PLAA: variants seen among roughly 807,000 people sequenced by gnomAD.
The protein encoded by PLAA is phospholipase A-2-activating protein.
Under a neutral mutation model 84.1 loss-of-function variants are expected in PLAA, and 48 were observed. That is an observed-to-expected ratio of 0.57 (90% CI 0.45 to 0.73). PLAA has a LOEUF of 0.73. Among genes scored for constraint, PLAA ranks in the 30% least tolerant of loss-of-function variants. PLAA has a pLI of 0.00. For missense variants in PLAA, 903 were observed against 954.7 expected, an observed-to-expected ratio of 0.95 and a Z score of 0.71; for synonymous variants, 392 against 336.6, an observed-to-expected ratio of 1.16 and a Z score of -1.80.
At chr9:26,909,575 C>G (rs1312324415) in intron 12 of PLAA, among the ~76,000 whole-genome samples, 1 of 151,290 alleles carries the variant, frequency 6.6e-6, no homozygotes, top group Non-Finnish European at 1.5e-5. Context: ...TTGAGGAACA[C>G]AAACAGAAAA....
intron 12 of PLAA, among the ~76,000 whole-genome samples, chr9:26,908,687 T>A (rs1463686589): frequency 6.6e-6 from 1 of 151,586 alleles, no homozygotes; most frequent in African/African-American, 2.4e-5. Context: ...CTGACCAACA[T>A]GGTGAAAAAC....
rs554887721 is a variant in PLAA at position 26,919,126 on chromosome 9, A to G, written c.1417+184T>C. The stretch of plus-strand genomic sequence containing the variant: ...TATTTTTGAAAGACAACAATTTACT[A>G]TTATTTCTGTAAAATACAGAATTAC... On this transcript the variant is annotated intron_variant, in intron 9 of 13. Coordinates refer to ENST00000397292, the MANE Select transcript of PLAA (RefSeq NM_001031689.3). 60 of 429,104 alleles carry G rather than the reference A, an allele frequency of 1.4e-4. 1 individual carries two copies. The highest frequency in any genetic ancestry group is 4.3e-4 in the South Asian group (5 of 11,742). 26.6% of individuals were successfully genotyped at this position (429,104 alleles called of 1,614,324 possible).
intron 11 of PLAA, among the ~76,000 whole-genome samples, chr9:26,912,686 A>C (rs1824434608): frequency 6.6e-6 from 1 of 152,196 alleles, no homozygotes; most frequent in Non-Finnish European, 1.5e-5. Flanking sequence ...TATTTACATA[A>C]ATTTTATAAT....
At chr9:26,913,234 G>C (rs1018404358) in intron 11 of PLAA, among the ~76,000 whole-genome samples, 4 of 152,074 alleles carry the variant, frequency 2.6e-5, no homozygotes, top group African/African-American at 9.7e-5. Flanking sequence ...ACCTGAAAGA[G>C]ATGAACCACA....
At chr9:26,920,130 T>C (rs1182472318) in intron 8 of PLAA, 97 bp downstream of exon 8, 1 of 981,148 alleles carries the variant, frequency 1.0e-6, no homozygotes, top group Non-Finnish European at 1.5e-6. Flanking sequence ...TTTTTAAATG[T>C]CAAAACAAAG....
chr9:26,908,119 AG>A, intron 12 of PLAA, 121 bp from the exon 13 acceptor site: 1 of 638,484 alleles, frequency 1.6e-6, no homozygotes, highest in South Asian at 2.5e-5. Context: ...GACTTTACTC[AG>A]CAATTATCAA....
chr9:26,914,041 C>A (rs1329157065), intron 10 of PLAA, 94 bp from the exon 11 acceptor site: 1 of 849,006 alleles, frequency 1.2e-6, no homozygotes, highest in African/African-American at 1.7e-5. Context: ...AAGCACACTT[C>A]ACAATGGCGT....
Position 26,916,770 on chromosome 9 carries a change from A to T in PLAA, c.1486+327T>A, listed in dbSNP as rs1362829772. 4 of 749,882 alleles carry T rather than the reference A, an allele frequency of 5.3e-6. No homozygotes were observed. In the African/African-American group the frequency reaches 7.6e-5, roughly 14 times the overall value. The allele number at this position is 749,882 out of a possible 1,614,324, so 46.5% of individuals were successfully genotyped here. ...GGTAACTTGCCAACTTCTCATAGCA[A>T]GTAAGTGGTAGAGCCCAATTTTGAA... On this transcript the variant is annotated intron_variant, in intron 10 of 13. Coordinates refer to ENST00000397292, the MANE Select transcript of PLAA (RefSeq NM_001031689.3).
chr9:26,906,949 CTG>C (rs1824257039), intron 13 of PLAA, among the ~76,000 whole-genome samples: 2 of 148,696 alleles, frequency 1.3e-5, no homozygotes, highest in Non-Finnish European at 3.0e-5. Flanking sequence ...AAAACACCTA[CTG>C]AACCAGAATC....
chr9:26,918,670 A>C (rs113657593), intron 9 of PLAA, among the ~76,000 whole-genome samples: 183 of 152,290 alleles, frequency 1.2e-3, no homozygotes, highest in African/African-American at 4.1e-3. Flanking sequence ...ATTAACAGTA[A>C]AGTGCCTATC....
At chr9:26,946,006 C>A (rs1296594950) in intron 1 of PLAA, among the ~76,000 whole-genome samples, 1 of 152,196 alleles carries the variant, frequency 6.6e-6, no homozygotes, top group Non-Finnish European at 1.5e-5. Context: ...TCCAGAAACA[C>A]TGGCAACTTG....
Position 26,920,404 on chromosome 9 carries a change from G to T in PLAA, c.1040-20C>A. On this transcript the variant is annotated intron_variant, in intron 7 of 13. Transcript: ENST00000397292. The stretch of plus-strand genomic sequence containing the variant: ...TAGTACCTTAAAATAAAAATTTTAA[G>T]AATCAAAGGTAGAATGGCAATGTAA... The T allele has an allele frequency of 6.5e-7, 1 of 1,535,666 alleles. No individual in the cohort carries two copies. The highest frequency in any genetic ancestry group is 8.8e-7 in the Non-Finnish European group (1 of 1,131,346).
At chr9:26,920,139 A>G (rs1824711802) in intron 8 of PLAA, 88 bp downstream of exon 8, 2 of 1,075,094 alleles carry the variant, frequency 1.9e-6, no homozygotes, top group Non-Finnish European at 2.7e-6. Context: ...GTCAAAACAA[A>G]GGAAATTTTA....
At chr9:26,937,397 T>C (rs1825393968) in intron 1 of PLAA, among the ~76,000 whole-genome samples, 1 of 151,832 alleles carries the variant, frequency 6.6e-6, no homozygotes, top group South Asian at 2.1e-4. Flanking sequence ...CACAAAAACA[T>C]AACAAAAAAC....
intron 10 of PLAA, chr9:26,915,790 CAGG>C (rs755771402): frequency 9.3e-5 from 92 of 985,192 alleles, no homozygotes; most frequent in Non-Finnish European, 1.1e-4. Flanking sequence ...ATAATGGCCC[CAGG>C]AGTTTTCTTG....
chr9:26,920,597 C>T (rs1328672113), intron 7 of PLAA, among the ~76,000 whole-genome samples: 1 of 152,158 alleles, frequency 6.6e-6, no homozygotes, highest in East Asian at 1.9e-4. Context: ...GTTAACAAAA[C>T]GTGATTCTAC....
chr9:26,932,188 G>C (rs1299085916), intron 2 of PLAA, among the ~76,000 whole-genome samples: 1 of 144,302 alleles, frequency 6.9e-6, no homozygotes, highest in East Asian at 2.2e-4. Context: ...GAGACAACTG[G>C]GTAAATTTGA....
At chr9:26,909,683 C>T (rs776709819) in intron 12 of PLAA, among the ~76,000 whole-genome samples, 9 of 151,130 alleles carry the variant, frequency 6.0e-5, no homozygotes, top group Non-Finnish European at 1.0e-4. Flanking sequence ...TGCAGTGGCG[C>T]GATCTCGGGC....
intron 11 of PLAA, among the ~76,000 whole-genome samples, chr9:26,910,957 G>A (rs1169314603): frequency 1.3e-5 from 2 of 152,126 alleles, no homozygotes; most frequent in African/African-American, 4.8e-5. Context: ...TCCAAAGGAT[G>A]TAGTAGGTAT....
Sources: gnomAD v4.1 joint callset for allele counts (sites outside exome capture counted in the v4.1 genomes callset) on GRCh38, gnomAD v4.1.1 for gene constraint, MANE v1.5 for transcripts, NCBI Gene and HGNC (gene_info 2026-07-23, HGNC 2026-07-21) for gene names.